The following QTMAN variants were observed in gnomAD, a reference collection of about 807,000 sequenced individuals.
QTMAN encodes queuosine-tRNA mannosyltransferase.
At chr2:144,040,915 C>T in the QTMAN span, among the ~76,000 whole-genome samples, 1 of 152,156 alleles carries the variant, frequency 6.6e-6, no homozygotes, top group African/African-American at 2.4e-5. Context: ...AAGAAAGACA[C>T]TGAAATAACT....
At chr2:143,971,381 C>T in the QTMAN span, among the ~76,000 whole-genome samples, 1 of 152,104 alleles carries the variant, frequency 6.6e-6, no homozygotes, top group Non-Finnish European at 1.5e-5. Context: ...TGAGTATTAA[C>T]TTAGGAGTGG....
chr2:144,278,765 A>G, the QTMAN span, among the ~76,000 whole-genome samples: 1 of 152,106 alleles, frequency 6.6e-6, no homozygotes, highest in Non-Finnish European at 1.5e-5. Flanking sequence ...CCAGGAAAGC[A>G]ATTCCTGAAA....
chr2:144,234,850 G>A, the QTMAN span, among the ~76,000 whole-genome samples: 2 of 152,094 alleles, frequency 1.3e-5, no homozygotes. Flanking sequence ...GTGAGAACAT[G>A]GGGAAGGAAT....
the QTMAN span, among the ~76,000 whole-genome samples, chr2:144,085,836 A>G: frequency 1.3e-5 from 2 of 152,184 alleles, no homozygotes; most frequent in African/African-American, 4.8e-5. Flanking sequence ...GAGAAAAATA[A>G]TTTCAAAACT....
the QTMAN span, among the ~76,000 whole-genome samples, chr2:143,960,198 C>G: frequency 6.6e-6 from 1 of 151,990 alleles, no homozygotes; most frequent in Admixed American, 6.6e-5. Flanking sequence ...TTCTCAAGAG[C>G]CTTCTATTAT....
the QTMAN span, chr2:143,952,645 C>T: frequency 1.4e-6 from 1 of 721,920 alleles, no homozygotes; most frequent in African/African-American, 1.8e-5. Flanking sequence ...TAAAATTTTC[C>T]TTAACACTAA....
chr2:144,047,105 T>C, the QTMAN span, among the ~76,000 whole-genome samples: 1 of 152,058 alleles, frequency 6.6e-6, no homozygotes, highest in Non-Finnish European at 1.5e-5. Context: ...ACCCTATCTC[T>C]ACTAAAAATA....
chr2:144,318,206 C>T, the QTMAN span, among the ~76,000 whole-genome samples: 2 of 151,388 alleles, frequency 1.3e-5, no homozygotes, highest in Non-Finnish European at 2.9e-5. Flanking sequence ...CACACACACA[C>T]ACACACACAC....
chr2:144,095,874 A>G, the QTMAN span, among the ~76,000 whole-genome samples: 1 of 152,112 alleles, frequency 6.6e-6, no homozygotes, highest in Non-Finnish European at 1.5e-5. Context: ...ATATTTTTAA[A>G]CCAATCTCCA....
the QTMAN span, among the ~76,000 whole-genome samples, chr2:143,952,449 GATTTTTCTGTGTGTATC>G: frequency 1.3e-5 from 2 of 151,212 alleles, no homozygotes; most frequent in African/African-American, 4.8e-5. Context: ...TTCAGTCCCT[GATTTTTCTGTGTGTATC>G]ATTAAAAAAA....
chr2:144,180,153 T>G, the QTMAN span, among the ~76,000 whole-genome samples: 1 of 152,168 alleles, frequency 6.6e-6, no homozygotes, highest in African/African-American at 2.4e-5. Context: ...TAAATGACCA[T>G]ACCTAAGTCA....
the QTMAN span, among the ~76,000 whole-genome samples, chr2:144,079,004 C>T: frequency 6.6e-6 from 1 of 152,012 alleles, no homozygotes; most frequent in East Asian, 1.9e-4. Context: ...CAAAGTGAAC[C>T]AAAGTACTGT....
At chr2:144,300,770 A>T in the QTMAN span, among the ~76,000 whole-genome samples, 2 of 152,210 alleles carry the variant, frequency 1.3e-5, no homozygotes, top group South Asian at 4.1e-4. Flanking sequence ...TAGGGGTGGA[A>T]AACAGGGGTA....
chr2:144,045,700 C>T, the QTMAN span, among the ~76,000 whole-genome samples: 1 of 152,080 alleles, frequency 6.6e-6, no homozygotes, highest in Admixed American at 6.6e-5. Context: ...AACTAACAAA[C>T]AACTTAATGT....
At chr2:144,020,595 T>C in the QTMAN span, among the ~76,000 whole-genome samples, 2 of 152,188 alleles carry the variant, frequency 1.3e-5, no homozygotes, top group Non-Finnish European at 2.9e-5. Flanking sequence ...GCTGTAAACA[T>C]TCATGCCTAG....
the QTMAN span, among the ~76,000 whole-genome samples, chr2:144,199,901 T>C: frequency 6.6e-6 from 1 of 152,202 alleles, no homozygotes; most frequent in Non-Finnish European, 1.5e-5. Context: ...AGTGATTTTT[T>C]TCAGGCCAAA....
chr2:144,209,611 T>G, the QTMAN span, among the ~76,000 whole-genome samples: 1 of 152,336 alleles, frequency 6.6e-6, no homozygotes, highest in East Asian at 1.9e-4. Context: ...TGATAAAATT[T>G]CATCACAGAG....
At chr2:144,038,317 A>ATG in the QTMAN span, among the ~76,000 whole-genome samples, 339 of 152,046 alleles carry the variant, frequency 2.2e-3, 1 homozygote, top group Non-Finnish European at 3.8e-3. Context: ...TATAACATAT[A>ATG]TATTACATAT....
the QTMAN span, among the ~76,000 whole-genome samples, chr2:143,989,055 C>G: frequency 6.6e-6 from 1 of 152,046 alleles, no homozygotes; most frequent in Admixed American, 6.5e-5. Context: ...CCTACTGATT[C>G]ACCTCTCCCC....
Sources: gnomAD v4.1 joint callset for allele counts (sites outside exome capture counted in the v4.1 genomes callset) on GRCh38, gnomAD v4.1.1 for gene constraint, MANE v1.5 for transcripts, NCBI Gene and HGNC (gene_info 2026-07-23, HGNC 2026-07-21) for gene names.